The following EML1 variants were observed in gnomAD, a reference collection of about 807,000 sequenced individuals.
The protein encoded by EML1 is echinoderm microtubule-associated protein-like 1.
Under a neutral mutation model 110.4 loss-of-function variants are expected in EML1, and 27 were observed. That is an observed-to-expected ratio of 0.24 (90% confidence interval 0.18 to 0.34). The LOEUF (loss-of-function observed/expected upper bound fraction) is 0.34. EML1 is among the 10% of genes least tolerant of loss of function. The pLI is 1.00. For synonymous variants in EML1, 344 were observed against 385.8 expected, an observed-to-expected ratio of 0.89 and a Z score of 1.27; for missense variants, 741 against 1,030.9, an observed-to-expected ratio of 0.72 and a Z score of 3.85.
chr14:99,928,185 G>A (rs868492876), intron 17 of EML1, among the ~76,000 whole-genome samples: 1 of 102,788 alleles, frequency 9.7e-6, no homozygotes, highest in Non-Finnish European at 2.0e-5. Context: ...GGTGGTGGTG[G>A]TGGTGGTGGT....
chr14:99,876,195 G>A (rs947515073), intron 3 of EML1, among the ~76,000 whole-genome samples: 3 of 152,054 alleles, frequency 2.0e-5, no homozygotes, highest in Non-Finnish European at 2.9e-5. Flanking sequence ...GAAGGAGAGT[G>A]GCCAGCCCCA....
chr14:99,778,787 T>C (rs140630498), intron 1 of EML1, among the ~76,000 whole-genome samples: 67 of 152,358 alleles, frequency 4.4e-4, no homozygotes, highest in African/African-American at 1.4e-3. Context: ...CTCAAAAATG[T>C]ATTCTTTGCA....
chr14:99,928,215 ATGGTGGTGGTGGTGGTGG>A (rs1186228335), intron 17 of EML1, among the ~76,000 whole-genome samples: 1 of 3,360 alleles, frequency 3.0e-4, no homozygotes, highest in Non-Finnish European at 4.7e-4. Flanking sequence ...GGTGATGGTG[ATGGTGGTGGTGGTGGTGG>A]TGGTGGTGGT....
chr14:99,926,248 A>G (rs1215359427), intron 17 of EML1, among the ~76,000 whole-genome samples: 1 of 151,752 alleles, frequency 6.6e-6, no homozygotes. Flanking sequence ...GGCCACAGCT[A>G]GAAGAACTGC....
intron 17 of EML1, among the ~76,000 whole-genome samples, chr14:99,925,034 C>CT (rs1186602838): frequency 6.6e-6 from 1 of 152,042 alleles, no homozygotes; most frequent in Non-Finnish European, 1.5e-5. Flanking sequence ...GTATAGTTTT[C>CT]TTTTCTTGTG....
At chr14:99,745,975 C>A (rs1422863636) in intron 1 of EML1, among the ~76,000 whole-genome samples, 1 of 152,164 alleles carries the variant, frequency 6.6e-6, no homozygotes, top group Non-Finnish European at 1.5e-5. Context: ...CTCTGGTGTC[C>A]TTGTCCTTAG....
At chr14:99,851,092 G>T (rs1204332549) in intron 2 of EML1, 57 bp downstream of exon 2, 1 of 1,551,614 alleles carries the variant, frequency 6.4e-7, no homozygotes, top group Non-Finnish European at 8.8e-7. Flanking sequence ...GCAGAATCTT[G>T]CTCTAGCAAA....
At chr14:99,890,787 G>T (rs1467739481) in intron 4 of EML1, among the ~76,000 whole-genome samples, 1 of 152,136 alleles carries the variant, frequency 6.6e-6, no homozygotes, top group Non-Finnish European at 1.5e-5. Context: ...GCTCTAAAAG[G>T]CCTCACCAAA....
intron 1 of EML1, among the ~76,000 whole-genome samples, chr14:99,824,614 C>T (rs538630750): frequency 7.2e-5 from 11 of 151,816 alleles, no homozygotes; most frequent in East Asian, 1.9e-4. Context: ...TTGTAAAAAT[C>T]GCTTTAGGGG....
At chr14:99,920,049 C>A (rs1482577717) in intron 16 of EML1, among the ~76,000 whole-genome samples, 1 of 152,148 alleles carries the variant, frequency 6.6e-6, no homozygotes, top group Non-Finnish European at 1.5e-5. Context: ...ATATAACAGG[C>A]AGGAGAGTTC....
intron 5 of EML1, 44 bp from the exon 6 acceptor site, chr14:99,894,585 C>G (rs374460569): frequency 1.0e-4 from 161 of 1,583,440 alleles, no homozygotes; most frequent in Non-Finnish European, 1.3e-4. Flanking sequence ...TTCAGGTACG[C>G]TGGGCACTGA....
intron 1 of EML1, among the ~76,000 whole-genome samples, chr14:99,849,599 G>T (rs144817808): frequency 1.8e-3 from 270 of 152,058 alleles, no homozygotes; most frequent in African/African-American, 6.2e-3. Context: ...CCAGGCTGGA[G>T]TGCAGTGGTG....
At chr14:99,876,390 A>G (rs555573572) in intron 3 of EML1, among the ~76,000 whole-genome samples, 1 of 152,026 alleles carries the variant, frequency 6.6e-6, no homozygotes, top group African/African-American at 2.4e-5. Context: ...GAGACTCCCC[A>G]CTTCCCAGGG....
intron 1 of EML1, among the ~76,000 whole-genome samples, chr14:99,800,446 C>T (rs2057854246): frequency 6.6e-6 from 1 of 152,152 alleles, no homozygotes; most frequent in East Asian, 1.9e-4. Flanking sequence ...TCACTGACCT[C>T]GAACCCTTGG....
At chr14:99,767,618 A>G (rs778219675) in intron 1 of EML1, among the ~76,000 whole-genome samples, 7 of 152,166 alleles carry the variant, frequency 4.6e-5, no homozygotes, top group Non-Finnish European at 1.0e-4. Flanking sequence ...CAAGAAAAAA[A>G]AGAGGGGGAT....
At chr14:99,765,617 T>A (rs566103241) in intron 1 of EML1, among the ~76,000 whole-genome samples, 75 of 152,200 alleles carry the variant, frequency 4.9e-4, no homozygotes, top group Middle Eastern at 3.4e-3. Context: ...ATATATATAT[T>A]TTTTGAGACA....
rs1019286355 is a variant in EML1 at position 99,844,619 on chromosome 14, G to A, written c.68-6234G>A. Among the ~76,000 whole-genome samples, 3 of 152,114 alleles carry A rather than the reference G, an allele frequency of 2.0e-5. No homozygotes were observed. In the East Asian group the frequency reaches 5.8e-4, roughly 29 times the overall value. On this transcript the variant is annotated intron_variant, in intron 1 of 21. Transcript: ENST00000262233. ...ATTCTATGTGTTTTAACAAAGTATG[G>A]TTTAATGTAACAACCACCACTAAGG...
rs984085330 is a variant in EML1 at position 99,781,633 on chromosome 14, G to A, written c.-27+7620G>A. ...TTCCCATCAGTCTTCCTGAAGCACA[G>A]TCCTAATTCTGTGGCTTCCAAGGGG... On this transcript the variant is annotated intron_variant, in intron 1 of 22. Transcript: ENST00000327921. The surrounding 1 kb of genome is among the most constrained non-coding windows in gnomAD (Gnocchi z 4.2). Among the ~76,000 whole-genome samples the A allele has an allele frequency of 1.4e-4, 21 of 152,214 alleles. No homozygotes were observed. Among genetic ancestry groups the A allele is most frequent in the Non-Finnish European group, 2.2e-4 (15 of 68,046 alleles).
intron 2 of EML1, among the ~76,000 whole-genome samples, chr14:99,863,940 C>T (rs1489992776): frequency 6.6e-6 from 1 of 152,250 alleles, no homozygotes; most frequent in Admixed American, 6.5e-5. Flanking sequence ...TACTATTTTT[C>T]ATTCCCACCA....
Sources: gnomAD v4.1 joint callset for allele counts (sites outside exome capture counted in the v4.1 genomes callset) on GRCh38, gnomAD v4.1.1 for gene constraint, Gnocchi (gnomAD v3.1) non-coding constraint, MANE v1.5 for transcripts, NCBI Gene and HGNC (gene_info 2026-07-23, HGNC 2026-07-21) for gene names.